Variants in NOS2 observed in about 807,000 individuals in gnomAD.
NOS2 encodes the protein nitric oxide synthase 2.
A neutral mutation model predicts 136.0 loss-of-function variants in NOS2; 96 were observed. The ratio of observed to expected loss-of-function variants is 0.71; its 90% CI spans 0.60 to 0.84. The LOEUF is 0.84. Ranked by LOEUF, NOS2 falls within the 40% of genes least tolerant of loss-of-function variation. The pLI is 0.00. For missense variants in NOS2, 1,237 were observed against 1,496.9 expected (o/e 0.83, Z 2.87); for synonymous variants, 539 against 587.5 (o/e 0.92, Z 1.20).
At chr17:27,794,645 G>T (rs1051725608) in intron 2 of NOS2, among the ~76,000 whole-genome samples, 2 of 151,994 alleles carry the variant, frequency 1.3e-5, no homozygotes, top group Non-Finnish European at 2.9e-5. Flanking sequence ...TGAATTCCAT[G>T]TGTCTTCACC....
At chr17:27,799,887 T>C (rs1006476462) in intron 1 of NOS2, among the ~76,000 whole-genome samples, 1 of 151,920 alleles carries the variant, frequency 6.6e-6, no homozygotes, top group South Asian at 2.1e-4. Flanking sequence ...AAAGAACTTA[T>C]AGCCCCATAG....
At chr17:27,793,749 G>C in intron 2 of NOS2, 1 of 389,432 alleles carries the variant, frequency 2.6e-6, no homozygotes, top group Non-Finnish European at 4.5e-6. Context: ...CAGCGCCCGC[G>C]CTTTATCGCT....
At chr17:27,768,300 C>T (rs531643398) in intron 17 of NOS2, among the ~76,000 whole-genome samples, 74 of 152,346 alleles carry the variant, frequency 4.9e-4, no homozygotes, top group African/African-American at 1.7e-3. Context: ...ATCTGCCCAC[C>T]TCAGCCTCCT....
intron 4 of NOS2, 60 bp from the exon 5 acceptor site, chr17:27,787,886 G>A: frequency 6.5e-7 from 1 of 1,538,866 alleles, no homozygotes; most frequent in Non-Finnish European, 8.8e-7. Context: ...ACCCTCCTCT[G>A]GGGCCAGCTC....
chr17:27,781,458 C>T (rs1908847870), intron 7 of NOS2, among the ~76,000 whole-genome samples: 1 of 152,210 alleles, frequency 6.6e-6, no homozygotes, highest in African/African-American at 2.4e-5. Flanking sequence ...TAGCTGGTTG[C>T]CTGTCTAGTG....
At chr17:27,758,041 T>C (rs889358729) in intron 26 of NOS2, among the ~76,000 whole-genome samples, 100 of 152,314 alleles carry the variant, frequency 6.6e-4, no homozygotes, top group African/African-American at 2.3e-3. Flanking sequence ...TCCCCAGCGT[T>C]CCCTGGGCTG....
chr17:27,789,618 C>G lies in NOS2; in HGVS notation c.181G>C (p.Val61Leu), dbSNP rs201165915. 6.2e-7 allele frequency: 1 copy of G among 1,613,778 alleles called. No individual in the cohort carries two copies. The highest frequency in any genetic ancestry group is 8.5e-7 in the Non-Finnish European group (1 of 1,179,698). The change falls in exon 3 of 27, where the codon GTG becomes CTG. Residue 61 changes from valine (V) to leucine (L), a missense_variant. Around this residue, in one of 3 missense-constraint regions of NOS2, gnomAD observed 440 missense variants for 545.4 expected, o/e 0.81. Transcript: ENST00000313735. ...GACTCACTGACCTTTCCCGTCTCCACGAGGGGCTGCGGGGACTCATTCTGC... is the reference window on the plus strand; with the variant it reads ...GACTCACTGACCTTTCCCGTCTCCAGGAGGGGCTGCGGGGACTCATTCTGC... ...KQQNESPQPL[V>L]ETGKKSPESL...
At chr17:27,760,821 GGGCCTGTGGGAGGC>G in intron 23 of NOS2, 77 bp from the exon 24 acceptor site, 1 of 1,488,838 alleles carries the variant, frequency 6.7e-7, no homozygotes, top group Middle Eastern at 2.4e-4. Flanking sequence ...CTGGGGAGCT[GGGCCTGTGGGAGGC>G]GGTCGTGAGG....
At position 27,757,283 on chromosome 17, in the gene NOS2, G is replaced by T; in HGVS notation, c.3425C>A (p.Ala1142Glu). ...CATCTCCAGGCTGCTGGGCTGCACC[G>T]CCACCCTGTCCTTCTTCGCCTCGTA... The part of the protein sequence containing the change: ...FPYEAKKDRV[A>E]VQPSSLEMSA... Residue 1142 changes from alanine (A) to glutamate (E), a missense_variant, in exon 27 of 27, where the codon GCG (alanine) becomes GAG (glutamate). Physicochemically the swap from Ala to Glu is moderately radical, Grantham distance 107. Coordinates refer to ENST00000313735, the MANE Select transcript of NOS2 (RefSeq NM_000625.4). The T allele has an allele frequency of 6.2e-7, 1 of 1,613,938 alleles. No homozygotes were observed. Among genetic ancestry groups the T allele is most frequent in the Non-Finnish European group, 8.5e-7 (1 of 1,179,960 alleles).
intron 11 of NOS2, among the ~76,000 whole-genome samples, chr17:27,775,327 G>A (rs1192006263): frequency 1.2e-4 from 18 of 152,076 alleles, no homozygotes; most frequent in Admixed American, 1.1e-3. Context: ...GCCAGCTGTC[G>A]GGGCTTACAC....
At chr17:27,770,513 CAA>C (rs1202819888) in intron 15 of NOS2, among the ~76,000 whole-genome samples, 5 of 152,258 alleles carry the variant, frequency 3.3e-5, no homozygotes, top group African/African-American at 2.4e-5. Context: ...AATAAACAAA[CAA>C]ACACCAAAAA....
intron 1 of NOS2, among the ~76,000 whole-genome samples, chr17:27,799,801 A>C (rs2142534615): frequency 6.6e-6 from 1 of 151,974 alleles, no homozygotes; most frequent in East Asian, 1.9e-4. Flanking sequence ...AAAAAAAAAA[A>C]AGAAAGAAAG....
chr17:27,766,031 C>A (rs959745338), intron 19 of NOS2, among the ~76,000 whole-genome samples: 53 of 152,202 alleles, frequency 3.5e-4, no homozygotes, highest in Admixed American at 1.8e-3. Flanking sequence ...TCAGAAGAAA[C>A]CTTTCCTTGT....
At chr17:27,769,183 C>T (rs747264293) in intron 16 of NOS2, 32 bp from the exon 17 acceptor site, 30 of 1,576,358 alleles carry the variant, frequency 1.9e-5, no homozygotes, top group Non-Finnish European at 2.2e-5. Flanking sequence ...GACACATGTC[C>T]CATGCAAGCA....
Position 27,766,470 on chromosome 17 carries a change from C to G in NOS2, c.2246+40G>C, listed in dbSNP as rs1035561325. 2.0e-6 allele frequency: 3 copies of G among 1,493,050 alleles called. No individual in the cohort carries two copies. The South Asian group carries it at 3.4e-5, about 17-fold the overall frequency. 92.5% of individuals were successfully genotyped at this position (1,493,050 alleles called of 1,614,324 possible). A position where few individuals can be genotyped will look rare whatever the true frequency, so the allele number is the denominator to read the frequency against. ...GATCTTTCATTCGTTAAAATAAAATCGACAGAGTATCACCCACGAAGCCCT... is the reference window on the plus strand; with the variant it reads ...GATCTTTCATTCGTTAAAATAAAATGGACAGAGTATCACCCACGAAGCCCT... On this transcript the variant is annotated intron_variant, in intron 19 of 26. Coordinates refer to ENST00000313735, the MANE Select transcript of NOS2 (RefSeq NM_000625.4).
chr17:27,760,280 A>G, intron 24 of NOS2, 102 bp from the exon 25 acceptor site: 1 of 1,226,840 alleles, frequency 8.2e-7, no homozygotes, highest in Non-Finnish European at 1.1e-6. Context: ...GCTATTTAAT[A>G]GCATTATCCC....
chr17:27,772,718 T>C (rs778525842), intron 13 of NOS2, among the ~76,000 whole-genome samples: 2 of 152,172 alleles, frequency 1.3e-5, no homozygotes, highest in Non-Finnish European at 2.9e-5. Context: ...ACTGGACCTC[T>C]GGGAGCCAAA....
chr17:27,767,861 C>A (rs375118622), intron 17 of NOS2, 24 bp from the exon 18 acceptor site: 3 of 1,609,934 alleles, frequency 1.9e-6, no homozygotes, highest in Admixed American at 3.3e-5. Flanking sequence ...GAGCAGACTG[C>A]GGTTAATGGT....
At chr17:27,787,423 A>G (rs559350899) in intron 5 of NOS2, among the ~76,000 whole-genome samples, 1 of 152,302 alleles carries the variant, frequency 6.6e-6, no homozygotes, top group African/African-American at 2.4e-5. Flanking sequence ...TTCAGACACA[A>G]TGCGGGAGCC....
Sources: gnomAD v4.1 joint callset for allele counts (sites outside exome capture counted in the v4.1 genomes callset) on GRCh38, gnomAD v4.1.1 for gene constraint, gnomAD v4.1.1 regional missense constraint, MANE v1.5 for transcripts, NCBI Gene and HGNC (gene_info 2026-07-23, HGNC 2026-07-21) for gene names.